PXDNL: variants seen among roughly 807,000 people sequenced by gnomAD.
The protein encoded by PXDNL is peroxidasin like, also known as probable oxidoreductase PXDNL.
In PXDNL, 145 loss-of-function variants were observed where a neutral mutation model predicts 150.8. The ratio of observed to expected loss-of-function variants is 0.96; its 90% CI spans 0.84 to 1.10. PXDNL has a LOEUF of 1.10. PXDNL is among the 50% of genes least tolerant of loss of function. The pLI is 0.00. For missense variants in PXDNL, 2,087 were observed against 1,873.9 expected (o/e 1.11, Z -2.10); for synonymous variants, 757 against 725.7 (o/e 1.04, Z -0.69).
chr8:51,391,733 T>C (rs1270674473), intron 17 of PXDNL, among the ~76,000 whole-genome samples: 1 of 152,158 alleles, frequency 6.6e-6, no homozygotes, highest in African/African-American at 2.4e-5. Flanking sequence ...GCAGAAGCTC[T>C]TTAGTTTAAT....
At chr8:51,442,257 A>G (rs967386878) in intron 12 of PXDNL, among the ~76,000 whole-genome samples, 2 of 150,156 alleles carry the variant, frequency 1.3e-5, no homozygotes, top group Non-Finnish European at 3.0e-5. Context: ...GTCTGGGTAC[A>G]TTTTAATTAT....
chr8:51,508,831 C>A (rs1301334184), intron 4 of PXDNL, among the ~76,000 whole-genome samples: 1 of 152,206 alleles, frequency 6.6e-6, no homozygotes, highest in Non-Finnish European at 1.5e-5. Context: ...AGTCTTCATG[C>A]CCACTTCCCA....
At chr8:51,368,603 A>G (rs991510097) in intron 19 of PXDNL, among the ~76,000 whole-genome samples, 4 of 152,200 alleles carry the variant, frequency 2.6e-5, no homozygotes, top group African/African-American at 4.8e-5. Context: ...ATTTAATCAT[A>G]CATTTCATTC....
At chr8:51,727,574 G>C (rs1162245696) in intron 1 of PXDNL, among the ~76,000 whole-genome samples, 1 of 152,090 alleles carries the variant, frequency 6.6e-6, no homozygotes, top group Non-Finnish European at 1.5e-5. Flanking sequence ...TTGGCCTAAG[G>C]TTTCCTCTGT....
At chr8:51,758,620 C>T (rs565667161) in intron 1 of PXDNL, among the ~76,000 whole-genome samples, 3 of 152,266 alleles carry the variant, frequency 2.0e-5, no homozygotes, top group South Asian at 2.1e-4. Flanking sequence ...TGAGTTTTCA[C>T]GAGATCTGAT....
chr8:51,550,760 A>G (rs1336648617), intron 4 of PXDNL, among the ~76,000 whole-genome samples: 1 of 152,168 alleles, frequency 6.6e-6, no homozygotes, highest in African/African-American at 2.4e-5. Flanking sequence ...CTGGAACAAG[A>G]CAAGGAGGCT....
At chr8:51,413,082 G>A (rs1219612920) in intron 15 of PXDNL, 68 bp downstream of exon 15, 1 of 940,996 alleles carries the variant, frequency 1.1e-6, no homozygotes, top group Non-Finnish European at 1.7e-6. Context: ...GTGACTTATG[G>A]AGATGATAAA....
chr8:51,637,091 T>A (rs140379402), intron 2 of PXDNL, among the ~76,000 whole-genome samples: 1,577 of 152,120 alleles, frequency 0.01, 21 homozygotes, highest in Middle Eastern at 0.024. Flanking sequence ...GGGTCTGGAG[T>A]GGACCTCCAG....
At chr8:51,469,826 A>G (rs1810284487) in intron 8 of PXDNL, among the ~76,000 whole-genome samples, 1 of 152,138 alleles carries the variant, frequency 6.6e-6, no homozygotes, top group Non-Finnish European at 1.5e-5. Flanking sequence ...ATAGTTACTC[A>G]TGTTAAACAT....
At chr8:51,668,624 T>TCAC (rs1463418998) in intron 1 of PXDNL, among the ~76,000 whole-genome samples, 1 of 152,222 alleles carries the variant, frequency 6.6e-6, no homozygotes, top group Non-Finnish European at 1.5e-5. Context: ...GTGCTGTATT[T>TCAC]CAGTTCAGAG....
intron 3 of PXDNL, among the ~76,000 whole-genome samples, chr8:51,587,753 C>T (rs1813357862): frequency 6.6e-6 from 1 of 152,210 alleles, no homozygotes; most frequent in Admixed American, 6.5e-5. Context: ...CTCAACATAA[C>T]TGAGAGTCTT....
At chr8:51,587,737 GATTAACTCAAC>G (rs1813357445) in intron 3 of PXDNL, among the ~76,000 whole-genome samples, 1 of 151,994 alleles carries the variant, frequency 6.6e-6, no homozygotes, top group African/African-American at 2.4e-5. Flanking sequence ...CCTCTCTTAA[GATTAACTCAAC>G]ATAACTGAGA....
At chr8:51,377,164 A>G (rs1563381419) in intron 17 of PXDNL, among the ~76,000 whole-genome samples, 3 of 151,146 alleles carry the variant, frequency 2.0e-5, no homozygotes, top group Admixed American at 1.3e-4. Context: ...CCATTTCTGG[A>G]CACTCTCAGA....
At chr8:51,399,371 A>G (rs1808178867) in intron 17 of PXDNL, among the ~76,000 whole-genome samples, 1 of 152,264 alleles carries the variant, frequency 6.6e-6, no homozygotes, top group South Asian at 2.1e-4. Context: ...ATATTTGTAT[A>G]TTCATACAAA....
At position 51,453,747 on chromosome 8, in the gene PXDNL, C is replaced by T; in HGVS notation, c.1021G>A (p.Val341Ile). 3 of 1,613,998 alleles carry T rather than the reference C, an allele frequency of 1.9e-6. No individual in the cohort carries two copies. The highest frequency in any genetic ancestry group is 1.7e-4 in the Middle Eastern group (1 of 6,056). ...SFVIQPQDTE[V>I]LIGTSTTLEC... is the part of the protein sequence containing the mutation. ...AAAGTTGTGCTGGTGCCAATTAAAACCTCTGTGTCCTGAGGCTGGATTACA... is the reference window on the plus strand; with the variant it reads ...AAAGTTGTGCTGGTGCCAATTAAAATCTCTGTGTCCTGAGGCTGGATTACA... The change falls in exon 10 of 23, where the codon GTT (valine) becomes ATT (isoleucine). Residue 341 changes from valine (V) to isoleucine (I), a missense_variant. Transcript: ENST00000356297.
In PXDNL at chr8:51,750,467, A is replaced by G. The variant is rs565656558; in HGVS notation, c.164+58714T>C. Among the ~76,000 whole-genome samples, 38 of 152,342 alleles carry G rather than the reference A, an allele frequency of 2.5e-4. 1 individual carries two copies. The Middle Eastern group carries it at 0.01, about 41-fold the overall frequency. ...AGACACCTGCGTAATGCATTGCTCTATGGCAGTAAGACAGCTATGACAGTG... is the reference window on the plus strand; with the variant it reads ...AGACACCTGCGTAATGCATTGCTCTGTGGCAGTAAGACAGCTATGACAGTG... On this transcript the variant is annotated intron_variant, in intron 1 of 22. Transcript: ENST00000356297.
At chr8:51,353,595 C>T (rs1806417452) in intron 19 of PXDNL, among the ~76,000 whole-genome samples, 1 of 152,042 alleles carries the variant, frequency 6.6e-6, no homozygotes, top group Non-Finnish European at 1.5e-5. Context: ...ATGAAGTCTG[C>T]TTCTGGGAAT....
chr8:51,462,338 A>C (rs1349952859), intron 8 of PXDNL, among the ~76,000 whole-genome samples: 1 of 152,222 alleles, frequency 6.6e-6, no homozygotes, highest in Non-Finnish European at 1.5e-5. Context: ...TAAAATTCAG[A>C]ATCTGGATGG....
At chr8:51,509,751 CA>C (rs1811370592) in intron 4 of PXDNL, among the ~76,000 whole-genome samples, 1 of 86,472 alleles carries the variant, frequency 1.2e-5, no homozygotes, top group Non-Finnish European at 2.2e-5. Flanking sequence ...TACACACACA[CA>C]CACACACACA....
Sources: allele counts gnomAD v4.1 joint callset (sites outside exome capture counted in the v4.1 genomes callset), GRCh38; gene constraint gnomAD v4.1.1; transcripts MANE v1.5; gene names NCBI Gene and HGNC (gene_info 2026-07-23, HGNC 2026-07-21).